Variants in NXPE2 observed in about 807,000 individuals in gnomAD.
NXPE2 encodes NXPE family member 2.
NXPE2 carries 34 observed loss-of-function variants against 34.4 expected under a neutral mutation model. The ratio of observed to expected loss-of-function variants is 0.99; its 90% CI spans 0.75 to 1.31. The LOEUF is 1.31. Among genes scored for constraint, NXPE2 ranks in the 40% most tolerant of loss-of-function variants. The probability of loss-of-function intolerance (pLI) is 0.00; values close to 1 mark genes in which losing one functional copy is unlikely to be tolerated. For synonymous variants in NXPE2, 235 were observed against 231.3 expected (o/e 1.02, Z -0.15); for missense variants, 649 against 672.5 (o/e 0.97, Z 0.39).
At chr11:114,563,709 CAT>C in the NXPE2 span, among the ~76,000 whole-genome samples, 1 of 152,168 alleles carries the variant, frequency 6.6e-6, no homozygotes, top group African/African-American at 2.4e-5. Context: ...GGCCAACAAA[CAT>C]ATTGAAAAAT....
the NXPE2 span, among the ~76,000 whole-genome samples, chr11:114,663,653 A>C: frequency 6.9e-6 from 1 of 145,420 alleles, no homozygotes; most frequent in African/African-American, 2.6e-5. Context: ...TCCATCTATC[A>C]TCTATTTATC....
the NXPE2 span, among the ~76,000 whole-genome samples, chr11:114,502,484 C>T: frequency 6.6e-6 from 1 of 152,050 alleles, no homozygotes; most frequent in East Asian, 1.9e-4. Context: ...TTGACCCATC[C>T]ACAGAATTTA....
the NXPE2 span, chr11:114,513,118 G>A: frequency 1.8e-6 from 1 of 546,370 alleles, no homozygotes; most frequent in Non-Finnish European, 3.7e-6. Context: ...CTGCCATCAG[G>A]GCTGGAGAGG....
the NXPE2 span, among the ~76,000 whole-genome samples, chr11:114,625,750 T>G: frequency 6.6e-6 from 1 of 152,146 alleles, no homozygotes; most frequent in South Asian, 2.1e-4. Flanking sequence ...TTTCTGCATT[T>G]CCATCTGAGG....
chr11:114,702,333 G>A (rs1274392432), intron 3 of NXPE2, among the ~76,000 whole-genome samples: 1 of 130,272 alleles, frequency 7.7e-6, no homozygotes, highest in Non-Finnish European at 1.8e-5. Flanking sequence ...TTTTAATGTA[G>A]CATCAAATTT....
chr11:114,531,148 T>G, the NXPE2 span, among the ~76,000 whole-genome samples: 1 of 151,914 alleles, frequency 6.6e-6, no homozygotes, highest in Non-Finnish European at 1.5e-5. Context: ...ATTTAAATTG[T>G]GATAATTTTG....
the NXPE2 span, among the ~76,000 whole-genome samples, chr11:114,579,215 C>A: frequency 6.6e-6 from 1 of 152,098 alleles, no homozygotes; most frequent in Non-Finnish European, 1.5e-5. Context: ...TTTAAACAAC[C>A]AGTTCTCACA....
intron 2 of NXPE2, among the ~76,000 whole-genome samples, chr11:114,685,002 C>A (rs2135538520): frequency 6.6e-6 from 1 of 152,154 alleles, no homozygotes; most frequent in East Asian, 1.9e-4. Flanking sequence ...TCTTCATGAT[C>A]TTCTATAAAT....
At chr11:114,661,356 G>A in the NXPE2 span, among the ~76,000 whole-genome samples, 20 of 152,192 alleles carry the variant, frequency 1.3e-4, no homozygotes, top group African/African-American at 4.8e-4. Context: ...GTCTGGTCCA[G>A]TGAGACAGAA....
chr11:114,718,697 C>G, the NXPE2 span, among the ~76,000 whole-genome samples: 1 of 151,958 alleles, frequency 6.6e-6, no homozygotes, highest in African/African-American at 2.4e-5. Flanking sequence ...ACAATTTGAG[C>G]ACCAAAAAGG....
At chr11:114,752,618 A>G in the NXPE2 span, among the ~76,000 whole-genome samples, 4 of 152,074 alleles carry the variant, frequency 2.6e-5, no homozygotes, top group Non-Finnish European at 5.9e-5. Flanking sequence ...CTGAAAATAG[A>G]TCCTAGGAGA....
the NXPE2 span, among the ~76,000 whole-genome samples, chr11:114,579,816 C>T: frequency 6.6e-6 from 1 of 152,180 alleles, no homozygotes; most frequent in South Asian, 2.1e-4. Flanking sequence ...TTTGCTGGTT[C>T]TAGAAGCTGG....
chr11:114,785,344 C>T, the NXPE2 span, among the ~76,000 whole-genome samples: 1 of 152,062 alleles, frequency 6.6e-6, no homozygotes, highest in Non-Finnish European at 1.5e-5. Context: ...GAATGAGACC[C>T]CAAGCTTCTA....
chr11:114,728,070 C>T, the NXPE2 span, among the ~76,000 whole-genome samples: 100 of 152,128 alleles, frequency 6.6e-4, 2 homozygotes, highest in Admixed American at 6.6e-4. Flanking sequence ...GCTGTGGCCC[C>T]GTCCTCCATG....
the NXPE2 span, among the ~76,000 whole-genome samples, chr11:114,720,028 A>G: frequency 6.6e-6 from 1 of 152,062 alleles, no homozygotes; most frequent in Non-Finnish European, 1.5e-5. Context: ...GTTGTCTCTG[A>G]CCTCTGCAAT....
At chr11:114,574,789 C>T in the NXPE2 span, among the ~76,000 whole-genome samples, 1 of 152,078 alleles carries the variant, frequency 6.6e-6, no homozygotes, top group East Asian at 1.9e-4. Flanking sequence ...AAATCCTATT[C>T]ACACTATTCC....
At chr11:114,528,076 T>C in the NXPE2 span, among the ~76,000 whole-genome samples, 1 of 152,158 alleles carries the variant, frequency 6.6e-6, no homozygotes, top group East Asian at 1.9e-4. Flanking sequence ...TTTGGAAGAC[T>C]TTCTACCCTG....
the NXPE2 span, among the ~76,000 whole-genome samples, chr11:114,754,588 G>T: frequency 7.2e-5 from 11 of 152,200 alleles, no homozygotes; most frequent in African/African-American, 2.4e-4. Flanking sequence ...GTGGACACCA[G>T]AGAAGCTTTC....
chr11:114,654,093 C>G, the NXPE2 span, among the ~76,000 whole-genome samples: 1 of 152,094 alleles, frequency 6.6e-6, no homozygotes, highest in Non-Finnish European at 1.5e-5. Flanking sequence ...TACAAAGAAG[C>G]AGGAGATGAA....
Sources: gnomAD v4.1 joint callset for allele counts (sites outside exome capture counted in the v4.1 genomes callset) on GRCh38, gnomAD v4.1.1 for gene constraint, MANE v1.5 for transcripts, NCBI Gene and HGNC (gene_info 2026-07-23, HGNC 2026-07-21) for gene names.